The following EEF2K variants were observed in gnomAD, a reference collection of about 807,000 sequenced individuals.
EEF2K encodes the protein alternative protein EEF2K.
A neutral mutation model predicts 93.8 loss-of-function variants in EEF2K; 70 were observed. The observed-to-expected ratio is 0.75, with a 90% confidence interval of 0.62 to 0.91. The LOEUF (loss-of-function observed/expected upper bound fraction) is 0.91, where lower values mean the gene tolerates loss of function less well. Ranked by LOEUF, EEF2K falls within the 40% of genes least tolerant of loss-of-function variation. EEF2K has a pLI of 0.00. For synonymous variants in EEF2K, 376 were observed against 380.8 expected (o/e 0.99, Z 0.15); for missense variants, 935 against 972.9 (o/e 0.96, Z 0.52).
chr16:22,222,901 A>G (rs1473527123), intron 1 of EEF2K, among the ~76,000 whole-genome samples: 1 of 140,616 alleles, frequency 7.1e-6, no homozygotes, highest in Non-Finnish European at 1.5e-5. Flanking sequence ...AGATAGTACA[A>G]TTCAATGGTA....
intron 3 of EEF2K, among the ~76,000 whole-genome samples, chr16:22,246,291 G>T (rs541658207): frequency 3.3e-5 from 5 of 152,050 alleles, no homozygotes; most frequent in Admixed American, 6.6e-5. Flanking sequence ...GGAGGCCGAG[G>T]TGAGTGGATC....
At position 22,280,198 on chromosome 16, in the gene EEF2K, G is replaced by C; in HGVS notation, c.1890G>C (p.Arg630Ser). ...FDSGQNLSPDRCQDWLEALHW... is the reference protein window; with the variant it reads ...FDSGQNLSPDSCQDWLEALHW... ...CTTTCCCTCTGTATCTCCTGGCAAG[G>C]TGCCAAGACTGGCTAGAGGCCCTGC... Residue 630 changes from arginine to serine, a missense_variant and splice_region_variant, in exon 17 of 18, where the codon AGG (arginine) becomes AGC (serine). Coordinates refer to ENST00000263026, the MANE Select transcript of EEF2K (RefSeq NM_013302.5). 6.7e-7 allele frequency: 1 copy of C among 1,493,662 alleles called. No homozygotes were observed. The highest frequency in any genetic ancestry group is 9.0e-7 in the Non-Finnish European group (1 of 1,116,306). 92.5% of individuals were successfully genotyped at this position (1,493,662 alleles called of 1,614,324 possible). A position where few individuals can be genotyped will look rare whatever the true frequency, so the allele number is the denominator to read the frequency against.
rs370431079 is a variant in EEF2K at position 22,273,744 on chromosome 16, C to G, written c.1883C>G (p.Pro628Arg). Residue 628 changes from proline to arginine, a missense_variant, in exon 16 of 18, where the codon CCG becomes CGG. By Grantham distance (103) the Pro-to-Arg change is moderately radical. Transcript: ENST00000263026. ...TTTGACTCTGGCCAGAACCTCAGCC[C>G]GGACAGGTACTGCAGCTGTCACCCA... ...RAFDSGQNLS[P>R]DRCQDWLEAL... The G allele has an allele frequency of 4.3e-6, 7 of 1,613,566 alleles. No homozygotes were observed. The South Asian group carries it at 5.5e-5, about 13-fold the overall frequency.
rs10540234 is a variant in EEF2K, at chr16:22,283,308, C to CA, written c.2069-557dup. 1.0e-2 allele frequency among the ~76,000 whole-genome samples: 754 copies of CA among 75,588 alleles called. 9 individuals are homozygous for CA. The highest frequency in any genetic ancestry group is 0.016 in the Non-Finnish European group (579 of 36,648). 49.6% of individuals were successfully genotyped at this position (75,588 alleles called of 152,430 possible). ...TGGGTGACAGAGTGAGACTCCATCT[C>CA]AAAAAAAAAAAAAAAAAAAAAAGAA... is the stretch of plus-strand genomic sequence containing the variant. On this transcript the variant is annotated intron_variant, in intron 17 of 17. Coordinates refer to ENST00000263026, the MANE Select transcript of EEF2K (RefSeq NM_013302.5).
chr16:22,251,414 T>A, intron 6 of EEF2K, 92 bp downstream of exon 6: 1 of 1,390,682 alleles, frequency 7.2e-7, no homozygotes. Flanking sequence ...CTATTTCACC[T>A]TCTTTTTTTT....
intron 1 of EEF2K, among the ~76,000 whole-genome samples, chr16:22,217,681 G>T (rs933182441): frequency 1.3e-5 from 2 of 152,076 alleles, no homozygotes; most frequent in Non-Finnish European, 2.9e-5. Flanking sequence ...TCGAACTCCC[G>T]ACCTCAGGTG....
intron 16 of EEF2K, among the ~76,000 whole-genome samples, chr16:22,275,563 G>A (rs946709284): frequency 1.3e-5 from 2 of 151,818 alleles, no homozygotes; most frequent in Admixed American, 6.6e-5. Context: ...GGCTTGTCTC[G>A]AACTCCTAAC....
At chr16:22,210,859 C>G (rs926715855) in intron 1 of EEF2K, among the ~76,000 whole-genome samples, 2 of 152,004 alleles carry the variant, frequency 1.3e-5, no homozygotes, top group Non-Finnish European at 2.9e-5. Context: ...TGCCTGCCTT[C>G]TAGGGAGCTG....
At chr16:22,248,117 T>G (rs1260407968) in intron 3 of EEF2K, among the ~76,000 whole-genome samples, 1 of 152,092 alleles carries the variant, frequency 6.6e-6, no homozygotes, top group Non-Finnish European at 1.5e-5. Flanking sequence ...CAGGCTGGAG[T>G]GCAATGGTGC....
intron 10 of EEF2K, among the ~76,000 whole-genome samples, chr16:22,259,547 G>T (rs2047441779): frequency 6.6e-6 from 1 of 152,148 alleles, no homozygotes; most frequent in East Asian, 1.9e-4. Flanking sequence ...TGCATTTGGA[G>T]CATGAAAGCT....
intron 1 of EEF2K, among the ~76,000 whole-genome samples, chr16:22,224,265 C>T (rs1409077806): frequency 6.6e-6 from 1 of 152,118 alleles, no homozygotes; most frequent in Non-Finnish European, 1.5e-5. Flanking sequence ...GCATTGAGTG[C>T]CTTCTCTGTG....
chr16:22,283,308 C>CAAA lies in EEF2K; in HGVS notation c.2069-559_2069-557dup, dbSNP rs10540234. Reference sequence around the variant, plus strand: ...TGGGTGACAGAGTGAGACTCCATCTCAAAAAAAAAAAAAAAAAAAAAAGAA... The same window carrying CAAA: ...TGGGTGACAGAGTGAGACTCCATCTCAAAAAAAAAAAAAAAAAAAAAAAAAGAA... On this transcript the variant is annotated intron_variant, in intron 17 of 17. Coordinates refer to ENST00000263026, the MANE Select transcript of EEF2K (RefSeq NM_013302.5). Among the ~76,000 whole-genome samples the CAAA allele has an allele frequency of 6.2e-3, 454 of 73,806 alleles. 1 individual carries two copies. Among genetic ancestry groups the CAAA allele is most frequent in the Non-Finnish European group, 0.01 (353 of 35,140 alleles). The allele number at this position is 73,806 out of a possible 152,430, so 48.4% of individuals were successfully genotyped here. A position where few individuals can be genotyped will look rare whatever the true frequency, so the allele number is the denominator to read the frequency against.
At chr16:22,273,509 G>A (rs1434130934) in intron 15 of EEF2K, 117 bp from the exon 16 acceptor site, 1 of 1,467,866 alleles carries the variant, frequency 6.8e-7, no homozygotes, top group African/African-American at 1.4e-5. Flanking sequence ...CACTTCTATA[G>A]CCTCCCAACC....
At chr16:22,217,223 A>T (rs900444181) in intron 1 of EEF2K, among the ~76,000 whole-genome samples, 1 of 129,770 alleles carries the variant, frequency 7.7e-6, no homozygotes, top group Non-Finnish European at 1.6e-5. Flanking sequence ...ATATAGATAG[A>T]TAGATAGAGA....
intron 1 of EEF2K, among the ~76,000 whole-genome samples, chr16:22,222,942 T>C (rs2047028814): frequency 2.0e-5 from 3 of 152,052 alleles, no homozygotes; most frequent in African/African-American, 7.2e-5. Flanking sequence ...CAGTCAATTT[T>C]AGAACCTTTT....
intron 4 of EEF2K, among the ~76,000 whole-genome samples, chr16:22,250,424 A>G (rs2047338359): frequency 6.6e-6 from 1 of 151,828 alleles, no homozygotes; most frequent in African/African-American, 2.4e-5. Context: ...TCTTCCCCTC[A>G]GCTGGGGTGG....
chr16:22,244,865 T>C, intron 3 of EEF2K, 135 bp downstream of exon 3: 4 of 861,834 alleles, frequency 4.6e-6, no homozygotes, highest in Non-Finnish European at 7.3e-6. Context: ...ATTGGCATGC[T>C]AATGCGTGCT....
chr16:22,250,495 G>A (rs1366787180), intron 4 of EEF2K, among the ~76,000 whole-genome samples, 159 bp from the exon 5 acceptor site: 1 of 152,112 alleles, frequency 6.6e-6, no homozygotes, highest in Non-Finnish European at 1.5e-5. Flanking sequence ...TATGGCTTTG[G>A]TGCTGAGACA....
rs764087648 is a variant in EEF2K, at chr16:22,257,792, G to A, written c.1029+22G>A. 8.1e-6 allele frequency: 13 copies of A among 1,610,592 alleles called. No individual in the cohort carries two copies. In the Middle Eastern group the frequency reaches 6.6e-4, roughly 82 times the overall value. On this transcript the variant is annotated intron_variant, in intron 9 of 17. Transcript: ENST00000263026. ...GCTGGTGGGTGCCCAGTGTGACCCT[G>A]CTTGGCCTGGCAGGCCCTTCTGCTA...
Sources: allele counts gnomAD v4.1 joint callset (sites outside exome capture counted in the v4.1 genomes callset), GRCh38; gene constraint gnomAD v4.1.1; transcripts MANE v1.5; gene names NCBI Gene and HGNC (gene_info 2026-07-23, HGNC 2026-07-21).